The following CUX1 variants were observed in gnomAD, a reference collection of about 807,000 sequenced individuals.
CUX1 encodes cut like homeobox 1.
CUX1 carries 31 observed loss-of-function variants against 158.8 expected under a neutral mutation model. That is an observed-to-expected ratio of 0.20 (90% CI 0.15 to 0.26). The LOEUF (loss-of-function observed/expected upper bound fraction) is 0.26. CUX1 is among the 10% of genes least tolerant of loss of function. The pLI is 1.00. For synonymous variants in CUX1, 879 were observed against 862.1 expected (o/e 1.02, Z -0.34); for missense variants, 1,589 against 2,014.6 (o/e 0.79, Z 4.04).
chr7:101,854,932 T>C (rs1796621113), intron 1 of CUX1, among the ~76,000 whole-genome samples: 1 of 151,954 alleles, frequency 6.6e-6, no homozygotes, highest in African/African-American at 2.4e-5. Flanking sequence ...TTAGTAGAGG[T>C]GGGGTTTCAC....
At chr7:102,188,985 C>A (rs782512955) in intron 11 of CUX1, among the ~76,000 whole-genome samples, 2 of 152,058 alleles carry the variant, frequency 1.3e-5, no homozygotes, top group African/African-American at 2.4e-5. Context: ...CGGTCAGGGC[C>A]CTCCCCGCAG....
At chr7:102,238,879 C>G (rs1563469019) in intron 22 of CUX1, among the ~76,000 whole-genome samples, 1 of 152,018 alleles carries the variant, frequency 6.6e-6, no homozygotes, top group Non-Finnish European at 1.5e-5. Flanking sequence ...AGCGTTGTTT[C>G]TTTTGTTTTG....
intron 8 of CUX1, among the ~76,000 whole-genome samples, chr7:102,128,601 A>G (rs1297983141): frequency 6.6e-6 from 1 of 151,608 alleles, no homozygotes; most frequent in Non-Finnish European, 1.5e-5. Flanking sequence ...GCAACATCGT[A>G]AAGACCTGGG....
At chr7:102,107,803 G>A (rs968226642) in intron 6 of CUX1, among the ~76,000 whole-genome samples, 2 of 152,196 alleles carry the variant, frequency 1.3e-5, no homozygotes, top group African/African-American at 2.4e-5. Flanking sequence ...TGCAGCCCTT[G>A]CCTCCCCGTC....
In CUX1 at chr7:102,257,873, GAA is replaced by G. The variant is rs1790069222; in HGVS notation, c.*8836_*8837del. 1.1e-6 allele frequency: 1 copy of G among 920,224 alleles called. No homozygotes were observed. Among genetic ancestry groups the G allele is most frequent in the Non-Finnish European group, 1.3e-6 (1 of 788,630 alleles). The allele number at this position is 920,224 out of a possible 1,614,324, so 57.0% of individuals were successfully genotyped here. A position where few individuals can be genotyped will look rare whatever the true frequency, so the allele number is the denominator to read the frequency against. ...CACAGAGACCCAATTGACCAAAAAA[GAA>G]AAAAGGAAAAAAAAAAAGTCGTCTT... On this transcript the variant is annotated 3_prime_UTR_variant, in exon 24 of 24. Transcript: ENST00000292535.
At chr7:101,870,974 A>G (rs1159595526) in intron 1 of CUX1, among the ~76,000 whole-genome samples, 2 of 152,202 alleles carry the variant, frequency 1.3e-5, no homozygotes, top group African/African-American at 4.8e-5. Flanking sequence ...AGTGCCTTGG[A>G]TGGACCTAGC....
At chr7:101,845,473 T>C (rs1795593634) in intron 1 of CUX1, among the ~76,000 whole-genome samples, 1 of 152,126 alleles carries the variant, frequency 6.6e-6, no homozygotes, top group Non-Finnish European at 1.5e-5. Context: ...ATACTGTCTG[T>C]GTATAGCTCC....
In CUX1 at chr7:101,945,211, G is replaced by C. The variant is rs186469043; in HGVS notation, c.141+28986G>C. ...CCTCAGGGCAGAGCCATGAGGGCCT[G>C]TGTGCAGCGGCTTCCACCCAGGCAG... On this transcript the variant is annotated intron_variant, in intron 2 of 23. Transcript: ENST00000292535. 2.2e-4 allele frequency among the ~76,000 whole-genome samples: 33 copies of C among 152,238 alleles called. No homozygotes were observed. In the East Asian group the frequency reaches 6.0e-3, roughly 28 times the overall value.
At chr7:101,821,671 C>CTTTTTT (rs58793343) in intron 1 of CUX1, among the ~76,000 whole-genome samples, 575 of 51,318 alleles carry the variant, frequency 0.011, 7 homozygotes, top group East Asian at 0.014. Context: ...TTTCTTTTTT[C>CTTTTTT]TTTTTTTTTT....
intron 3 of CUX1, among the ~76,000 whole-genome samples, chr7:102,033,295 TAAAC>T (rs1353341521): frequency 4.6e-5 from 7 of 150,690 alleles, no homozygotes; most frequent in Non-Finnish European, 7.4e-5. Context: ...ATTAAATAAA[TAAAC>T]AAACAAATAA....
At chr7:101,917,388 G>A (rs562933895) in intron 2 of CUX1, among the ~76,000 whole-genome samples, 1 of 152,290 alleles carries the variant, frequency 6.6e-6, no homozygotes, top group African/African-American at 2.4e-5. Context: ...GTAGAAAGAA[G>A]GCAGCCTTTG....
At chr7:102,123,210 A>G (rs1832242843) in intron 8 of CUX1, among the ~76,000 whole-genome samples, 1 of 149,704 alleles carries the variant, frequency 6.7e-6, no homozygotes, top group Non-Finnish European at 1.5e-5. Context: ...CAGCCTGGGC[A>G]ATAGAGTTAG....
chr7:102,218,780 C>T (rs757561689), intron 20 of CUX1, among the ~76,000 whole-genome samples: 3 of 151,254 alleles, frequency 2.0e-5, no homozygotes, highest in Admixed American at 6.6e-5. Flanking sequence ...TGGCCAGGCA[C>T]GGTGGCTCAG....
chr7:102,186,064 G>A (rs781963803), intron 11 of CUX1, among the ~76,000 whole-genome samples: 9 of 152,190 alleles, frequency 5.9e-5, no homozygotes, highest in Non-Finnish European at 1.3e-4. Flanking sequence ...CCTGTCGCCC[G>A]TCCCAGGGTC....
intron 23 of CUX1, among the ~76,000 whole-genome samples, chr7:102,245,708 A>G (rs1276064986): frequency 4.6e-5 from 7 of 152,170 alleles, no homozygotes; most frequent in African/African-American, 1.4e-4. Flanking sequence ...GTGGTGGCTC[A>G]CCCCTGTAAT....
At chr7:102,275,873 G>A (rs1791570796) in intron 17 of CUX1, among the ~76,000 whole-genome samples, 1 of 152,120 alleles carries the variant, frequency 6.6e-6, no homozygotes, top group Non-Finnish European at 1.5e-5. Flanking sequence ...GCCGGGCATG[G>A]TGGCGGGCAC....
At chr7:102,174,063 CTGAG>C (rs1792027661) in intron 10 of CUX1, among the ~76,000 whole-genome samples, 1 of 152,102 alleles carries the variant, frequency 6.6e-6, no homozygotes, top group Admixed American at 6.6e-5. Flanking sequence ...TGAGCGGTCA[CTGAG>C]TGAGCTGCTG....
chr7:102,216,686 C>CT (rs1554524910), intron 20 of CUX1, among the ~76,000 whole-genome samples: 1 of 32,432 alleles, frequency 3.1e-5, no homozygotes, highest in Non-Finnish European at 8.6e-5. Flanking sequence ...CACACACTCC[C>CT]CCACACACAC....
chr7:101,987,868 T>C (rs865952862), intron 2 of CUX1, among the ~76,000 whole-genome samples: 1 of 152,200 alleles, frequency 6.6e-6, no homozygotes, highest in South Asian at 2.1e-4. Context: ...CTAAACGAAC[T>C]CTTGACAAAA....
Sources: gnomAD v4.1 joint callset for allele counts (sites outside exome capture counted in the v4.1 genomes callset) on GRCh38, gnomAD v4.1.1 for gene constraint, MANE v1.5 for transcripts, NCBI Gene and HGNC (gene_info 2026-07-23, HGNC 2026-07-21) for gene names.